Variants in ZFHX3 observed in about 807,000 individuals in gnomAD.
The protein encoded by ZFHX3 is zinc finger homeobox protein 3.
Under a neutral mutation model 279.1 loss-of-function variants are expected in ZFHX3, and 42 were observed. The ratio of observed to expected loss-of-function variants is 0.15; its 90% CI spans 0.12 to 0.19. The LOEUF (loss-of-function observed/expected upper bound fraction) is 0.19. Among genes scored for constraint, ZFHX3 ranks in the 10% least tolerant of loss-of-function variants. The pLI is 1.00. For missense variants in ZFHX3, 4,981 were observed against 4,754.0 expected, an observed-to-expected ratio of 1.05 and a Z score of -1.40; for synonymous variants, 2,293 against 1,957.8, an observed-to-expected ratio of 1.17 and a Z score of -4.52.
chr16:72,824,736 C>T (rs1597280292), intron 5 of ZFHX3, among the ~76,000 whole-genome samples: 1 of 152,190 alleles, frequency 6.6e-6, no homozygotes, highest in Non-Finnish European at 1.5e-5. Flanking sequence ...TAAAGCATCA[C>T]ATTAATTGTA....
At chr16:73,225,935 T>G (rs893023763) in intron 5 of ZFHX3, among the ~76,000 whole-genome samples, 1 of 152,214 alleles carries the variant, frequency 6.6e-6, no homozygotes, top group Non-Finnish European at 1.5e-5. Context: ...GGTAATATCC[T>G]ACACTCTCGA....
chr16:73,203,701 C>T (rs372415383), intron 5 of ZFHX3, among the ~76,000 whole-genome samples: 5 of 152,308 alleles, frequency 3.3e-5, no homozygotes, highest in African/African-American at 1.2e-4. Flanking sequence ...TAGGTGAATG[C>T]TCATAGTAAT....
chr16:73,580,512 A>C (rs28490518), intron 2 of ZFHX3, among the ~76,000 whole-genome samples: 15,406 of 122,854 alleles, frequency 0.13, 1,577 homozygotes, highest in African/African-American at 0.28. Flanking sequence ...AACAAACAAA[A>C]AAAAAAAAAC....
chr16:73,185,303 G>A (rs933950895), intron 5 of ZFHX3, among the ~76,000 whole-genome samples: 3 of 152,214 alleles, frequency 2.0e-5, no homozygotes, highest in African/African-American at 7.2e-5. Context: ...AAATCCCCAT[G>A]TAACCGTATG....
intron 1 of ZFHX3, chr16:73,796,461 G>A (rs1480503123): frequency 2.0e-5 from 3 of 152,206 alleles, no homozygotes; most frequent in East Asian, 3.9e-4. Flanking sequence ...TCCAATAAGA[G>A]AGACCAACTG....
At chr16:72,936,233 G>T (rs1439924230) in intron 3 of ZFHX3, among the ~76,000 whole-genome samples, 1 of 152,202 alleles carries the variant, frequency 6.6e-6, no homozygotes, top group East Asian at 1.9e-4. Context: ...TGCCAAGTGT[G>T]CGCATGAGGC....
At chr16:73,672,297 C>T (rs890425800) in intron 2 of ZFHX3, among the ~76,000 whole-genome samples, 7 of 151,988 alleles carry the variant, frequency 4.6e-5, no homozygotes, top group Non-Finnish European at 1.0e-4. Flanking sequence ...TATACAAAAC[C>T]AAAATATATC....
chr16:73,450,814 G>T (rs1177434366), intron 3 of ZFHX3, among the ~76,000 whole-genome samples: 2 of 152,176 alleles, frequency 1.3e-5, no homozygotes, highest in East Asian at 3.9e-4. Context: ...TTCTTACAGG[G>T]GGAGTCTTTT....
At chr16:73,837,127 T>C (rs899139646) in intron 1 of ZFHX3, among the ~76,000 whole-genome samples, 3 of 152,064 alleles carry the variant, frequency 2.0e-5, no homozygotes, top group African/African-American at 4.8e-5. Context: ...AAAGATGGAG[T>C]CAAGATGGAG....
intron 3 of ZFHX3, among the ~76,000 whole-genome samples, chr16:73,398,272 A>C (rs2017171671): frequency 6.6e-6 from 1 of 152,218 alleles, no homozygotes; most frequent in African/African-American, 2.4e-5. Flanking sequence ...ACAGACCTAG[A>C]TGTGTCCTCT....
intron 2 of ZFHX3, among the ~76,000 whole-genome samples, chr16:73,518,092 T>C (rs879799068): frequency 7.9e-5 from 12 of 152,204 alleles, no homozygotes; most frequent in Non-Finnish European, 1.5e-4. Flanking sequence ...TATTTTATAC[T>C]CTACATATCT....
At chr16:73,571,618 G>A (rs1479824106) in intron 2 of ZFHX3, among the ~76,000 whole-genome samples, 2 of 146,840 alleles carry the variant, frequency 1.4e-5, no homozygotes, top group African/African-American at 2.5e-5. Flanking sequence ...CATAATTTAG[G>A]TCAGTATTAA....
chr16:73,363,754 G>T (rs769621953), intron 3 of ZFHX3, among the ~76,000 whole-genome samples: 2 of 151,970 alleles, frequency 1.3e-5, no homozygotes, highest in Non-Finnish European at 2.9e-5. Flanking sequence ...TTTGCATTTC[G>T]CACTATGCTC....
intron 1 of ZFHX3, among the ~76,000 whole-genome samples, chr16:73,818,806 A>G (rs1010281940): frequency 2.0e-5 from 3 of 152,184 alleles, no homozygotes; most frequent in African/African-American, 7.2e-5. Context: ...TTCTCCTAAC[A>G]GGCAACAGAG....
At chr16:73,105,740 G>C (rs1966295929) in intron 7 of ZFHX3, among the ~76,000 whole-genome samples, 1 of 152,096 alleles carries the variant, frequency 6.6e-6, no homozygotes, top group African/African-American at 2.4e-5. Flanking sequence ...GTGAGAGAGT[G>C]AGCCTCTGTC....
chr16:73,553,728 C>T (rs2020235775), intron 2 of ZFHX3, among the ~76,000 whole-genome samples: 1 of 152,180 alleles, frequency 6.6e-6, no homozygotes, highest in Admixed American at 6.5e-5. Context: ...ATGGGGATCC[C>T]ACCTGGCTAG....
At chr16:73,051,929 A>G (rs779739533), upstream of ZFHX3, among the ~76,000 whole-genome samples, 73 of 152,248 alleles carry the variant, frequency 4.8e-4, 1 homozygote, top group Non-Finnish European at 4.0e-4. Flanking sequence ...CTTGAAATTG[A>G]GAATTTTAAT....
rs371471036 is a variant in ZFHX3, at chr16:73,084,681, C to A, written c.-533+8554G>T. 2.6e-5 allele frequency among the ~76,000 whole-genome samples: 4 copies of A among 152,066 alleles called. 1 individual carries two copies. ...TACAGGTGCCTGCCACCATGCCCGG[C>A]TAATTTTGTTTTGTATTTTTAGTAG... On this transcript the variant is annotated intron_variant, in intron 8 of 17. Coordinates refer to the ZFHX3 transcript ENST00000641206.
chr16:72,911,522 A>T (rs2039315975), intron 3 of ZFHX3, among the ~76,000 whole-genome samples: 1 of 152,226 alleles, frequency 6.6e-6, no homozygotes. Context: ...CTTCTCGGTC[A>T]GAGAAACAAC....
Sources: gnomAD v4.1 joint callset for allele counts (sites outside exome capture counted in the v4.1 genomes callset) on GRCh38, gnomAD v4.1.1 for gene constraint, MANE v1.5 for transcripts, NCBI Gene and HGNC (gene_info 2026-07-23, HGNC 2026-07-21) for gene names.